HSD17B12: variants seen among roughly 807,000 people sequenced by gnomAD.
The protein encoded by HSD17B12 is very-long-chain 3-oxoacyl-CoA reductase.
HSD17B12 carries 32 observed loss-of-function variants against 39.3 expected under a neutral mutation model. That is an observed-to-expected ratio of 0.81 (90% CI 0.61 to 1.09). HSD17B12 has a LOEUF of 1.09. HSD17B12 is among the 50% of genes least tolerant of loss of function. The probability of loss-of-function intolerance (pLI) is 0.00; values close to 1 mark genes in which losing one functional copy is unlikely to be tolerated. For synonymous variants in HSD17B12, 150 were observed against 146.7 expected (o/e 1.02, Z -0.16); for missense variants, 342 against 382.9 (o/e 0.89, Z 0.89).
At chr11:43,742,740 T>A (rs1269553831) in intron 1 of HSD17B12, among the ~76,000 whole-genome samples, 1 of 151,660 alleles carries the variant, frequency 6.6e-6, no homozygotes, top group African/African-American at 2.4e-5. Context: ...GCCCAGGATT[T>A]CCAGTTTTTT....
At chr11:43,707,774 C>T (rs986952697) in intron 1 of HSD17B12, among the ~76,000 whole-genome samples, 1 of 151,998 alleles carries the variant, frequency 6.6e-6, no homozygotes, top group Non-Finnish European at 1.5e-5. Flanking sequence ...TTATTTTTCC[C>T]GCACTTGTTA....
the HSD17B12 span, among the ~76,000 whole-genome samples, chr11:43,635,010 A>G: frequency 6.6e-6 from 1 of 152,314 alleles, no homozygotes; most frequent in South Asian, 2.1e-4. Flanking sequence ...CTTGTGCAAG[A>G]TGAAATACTT....
chr11:43,641,721 A>G, the HSD17B12 span, among the ~76,000 whole-genome samples: 1 of 151,960 alleles, frequency 6.6e-6, no homozygotes, highest in Non-Finnish European at 1.5e-5. Context: ...CTTTTTAAGC[A>G]TATTAGAATA....
chr11:43,775,452 C>G (rs1020305097), intron 3 of HSD17B12, among the ~76,000 whole-genome samples: 1 of 151,838 alleles, frequency 6.6e-6, no homozygotes, highest in Non-Finnish European at 1.5e-5. Flanking sequence ...GGCTCCTGAT[C>G]CAGAGAACTC....
At chr11:43,739,949 G>T (rs767803699) in intron 1 of HSD17B12, among the ~76,000 whole-genome samples, 1 of 152,164 alleles carries the variant, frequency 6.6e-6, no homozygotes, top group Non-Finnish European at 1.5e-5. Context: ...GTTCAGATTT[G>T]CACTTTGGAG....
chr11:43,597,175 G>C, the HSD17B12 span, among the ~76,000 whole-genome samples: 12 of 152,324 alleles, frequency 7.9e-5, no homozygotes, highest in East Asian at 2.1e-3. Flanking sequence ...TGAAAGGAAG[G>C]AATGCTTCAT....
chr11:43,809,269 T>C (rs1426087609), intron 4 of HSD17B12, among the ~76,000 whole-genome samples: 1 of 152,218 alleles, frequency 6.6e-6, no homozygotes, highest in African/African-American at 2.4e-5. Context: ...TATGATCTCA[T>C]TTAATTCTTA....
At chr11:43,776,433 C>G (rs1950704868) in intron 3 of HSD17B12, among the ~76,000 whole-genome samples, 1 of 152,112 alleles carries the variant, frequency 6.6e-6, no homozygotes, top group South Asian at 2.1e-4. Context: ...ATGTCCTTCG[C>G]CCACTTTTTG....
chr11:43,698,613 T>C (rs1949934447), intron 1 of HSD17B12, among the ~76,000 whole-genome samples: 1 of 152,214 alleles, frequency 6.6e-6, no homozygotes, highest in Non-Finnish European at 1.5e-5. Context: ...CACTTATTAG[T>C]GTGGAATCTT....
At chr11:43,643,597 T>G in the HSD17B12 span, among the ~76,000 whole-genome samples, 1 of 152,188 alleles carries the variant, frequency 6.6e-6, no homozygotes, top group African/African-American at 2.4e-5. Flanking sequence ...AACCCAGGTT[T>G]TCCCCTAAAA....
chr11:43,605,166 C>A, the HSD17B12 span, among the ~76,000 whole-genome samples: 1 of 152,102 alleles, frequency 6.6e-6, no homozygotes, highest in African/African-American at 2.4e-5. Context: ...GGATAAAGAG[C>A]CATGTGGGCA....
intron 1 of HSD17B12, chr11:43,734,029 G>T: frequency 2.7e-6 from 2 of 753,380 alleles, no homozygotes; most frequent in Non-Finnish European, 4.8e-6. Context: ...AATATCACAC[G>T]GCGGATCCTC....
chr11:43,839,343 C>T (rs1226209513), intron 8 of HSD17B12, among the ~76,000 whole-genome samples: 3 of 152,112 alleles, frequency 2.0e-5, no homozygotes, highest in East Asian at 1.9e-4. Context: ...TGAAGGGATT[C>T]GTGAACTTCA....
At chr11:43,563,364 C>T in the HSD17B12 span, among the ~76,000 whole-genome samples, 10 of 152,210 alleles carry the variant, frequency 6.6e-5, no homozygotes, top group Non-Finnish European at 1.3e-4. Context: ...ATAAAGCCCT[C>T]GCCTGAACAA....
At chr11:43,745,223 G>A (rs1395031494) in intron 1 of HSD17B12, among the ~76,000 whole-genome samples, 1 of 152,160 alleles carries the variant, frequency 6.6e-6, no homozygotes, top group Non-Finnish European at 1.5e-5. Flanking sequence ...TAGTTTTATG[G>A]TATGCTGGTT....
intron 1 of HSD17B12, among the ~76,000 whole-genome samples, chr11:43,722,432 A>G (rs1012378755): frequency 4.6e-5 from 7 of 152,200 alleles, no homozygotes; most frequent in Non-Finnish European, 1.0e-4. Flanking sequence ...GAATTAGGCA[A>G]GGAGACTAGT....
At chr11:43,581,307 C>A in the HSD17B12 span, 3 of 468,792 alleles carry the variant, frequency 6.4e-6, no homozygotes, top group East Asian at 2.1e-4. This position sits in a 1 kb window ranked among gnomAD's most constrained non-coding sequence, Gnocchi z 4.9. Context: ...CGATGGAACG[C>A]GCTGGGGAGA....
chr11:43,802,627 G>A (rs1457720298), intron 4 of HSD17B12, among the ~76,000 whole-genome samples: 3 of 152,208 alleles, frequency 2.0e-5, no homozygotes, highest in South Asian at 4.1e-4. Flanking sequence ...CTCAACCAAG[G>A]ACAATTTTGC....
the HSD17B12 span, among the ~76,000 whole-genome samples, chr11:43,672,339 G>A: frequency 2.0e-5 from 3 of 151,998 alleles, no homozygotes; most frequent in African/African-American, 7.3e-5. Flanking sequence ...GTGAGCCACC[G>A]CTCCCGGCCT....
Sources: allele counts gnomAD v4.1 joint callset (sites outside exome capture counted in the v4.1 genomes callset), GRCh38; gene constraint gnomAD v4.1.1; non-coding constraint Gnocchi (gnomAD v3.1); transcripts MANE v1.5; gene names NCBI Gene and HGNC (gene_info 2026-07-23, HGNC 2026-07-21).